The following REG4 variants were observed in gnomAD, a reference collection of about 807,000 sequenced individuals.
REG4 encodes the protein regenerating family member 4, also known as regenerating islet-derived protein 4.
Under a neutral mutation model 22.3 loss-of-function variants are expected in REG4, and 16 were observed. That is an observed-to-expected ratio of 0.72 (90% CI 0.49 to 1.09). The LOEUF (loss-of-function observed/expected upper bound fraction) is 1.09. Ranked by LOEUF, REG4 falls within the 50% of genes least tolerant of loss-of-function variation. The pLI is 0.00. For synonymous variants in REG4, 71 were observed against 69.2 expected (o/e 1.03, Z -0.13); for missense variants, 214 against 193.9 (o/e 1.10, Z -0.61).
At chr1:119,795,476 C>G (rs1216650243) in intron 5 of REG4, among the ~76,000 whole-genome samples, 2 of 152,212 alleles carry the variant, frequency 1.3e-5, no homozygotes, top group Non-Finnish European at 2.9e-5. Flanking sequence ...GCGGAGGTGG[C>G]CTTTTGAAGG....
chr1:119,802,983 TTGA>T, intron 3 of REG4, 82 bp downstream of exon 3: 1 of 1,592,290 alleles, frequency 6.3e-7, no homozygotes. Context: ...GGAAGGACAC[TTGA>T]TCCTGAATCA....
intron 1 of REG4, among the ~76,000 whole-genome samples, chr1:119,809,936 TA>T (rs1175048449): frequency 6.6e-6 from 1 of 152,196 alleles, no homozygotes; most frequent in African/African-American, 2.4e-5. Flanking sequence ...CATCTTTTTA[TA>T]TAATGATTTG....
At chr1:119,801,216 T>C (rs1387180135) in intron 3 of REG4, 2 of 152,224 alleles carry the variant, frequency 1.3e-5, no homozygotes, top group African/African-American at 4.8e-5. Context: ...TCTGGGGTTG[T>C]GTTACATGAC....
At chr1:119,804,240 T>C (rs910348982) in intron 2 of REG4, among the ~76,000 whole-genome samples, 1 of 152,228 alleles carries the variant, frequency 6.6e-6, no homozygotes, top group Non-Finnish European at 1.5e-5. Context: ...CTCATTCAAA[T>C]GATACTACTG....
At position 119,798,534 on chromosome 1, in the gene REG4, AC is replaced by A. The variant is rs1302233395; in HGVS notation, c.371del (p.Gly124ValfsTer9). 1.1e-5 allele frequency: 17 copies of A among 1,614,054 alleles called. No homozygotes were observed. Among genetic ancestry groups the A allele is most frequent in the Non-Finnish European group, 1.4e-5 (16 of 1,180,006 alleles). On this transcript the variant is annotated frameshift_variant, in exon 5 of 6. Coordinates refer to ENST00000256585, the MANE Select transcript of REG4 (RefSeq NM_032044.4). LOFTEE classifies it low-confidence loss of function (END_TRUNC). ...TCATCTCAGCACAGTGCTTGTTCCC[AC>A]CCATGGACTTGCCAGACCAGGATCT... Reference protein sequence around the residue: ...LYRSWSGKSMGGNKHCAEMSS... With the variant: ...LYRSWSGKSMXGNKHCAEMSS...
At chr1:119,808,534 T>G (rs887990497) in intron 2 of REG4, among the ~76,000 whole-genome samples, 169 bp downstream of exon 2, 2 of 152,216 alleles carry the variant, frequency 1.3e-5, no homozygotes, top group Non-Finnish European at 2.9e-5. Context: ...TTTTGTTGGA[T>G]TCTAGAGCCC....
chr1:119,797,612 G>T (rs1227093581), intron 5 of REG4, among the ~76,000 whole-genome samples: 7 of 152,146 alleles, frequency 4.6e-5, no homozygotes, highest in African/African-American at 1.7e-4. Context: ...TAGACCCACT[G>T]GGATATTCTC....
chr1:119,802,537 T>G, intron 3 of REG4: 1 of 1,104,908 alleles, frequency 9.1e-7, no homozygotes. Context: ...TTACTTTGAC[T>G]GTCTATTTGG....
intron 2 of REG4, among the ~76,000 whole-genome samples, chr1:119,807,763 C>T (rs72695200): frequency 0.032 from 4,934 of 152,308 alleles, 112 homozygotes; most frequent in Middle Eastern, 0.044. Flanking sequence ...TGACCAGGAC[C>T]GCAGACTGCA....
intron 5 of REG4, among the ~76,000 whole-genome samples, chr1:119,797,188 GCTAA>G (rs10542681): frequency 0.41 from 61,668 of 151,544 alleles, 13,516 homozygotes; most frequent in East Asian, 0.76. Context: ...TTTGAGCAGT[GCTAA>G]CTGTTTAAAA....
At chr1:119,803,030 C>A in intron 3 of REG4, 38 bp downstream of exon 3, 1 of 1,611,884 alleles carries the variant, frequency 6.2e-7, no homozygotes, top group Non-Finnish European at 8.5e-7. Flanking sequence ...GTCCTTTGCT[C>A]TAGAAAGGCC....
chr1:119,807,433 GT>G (rs1267132002), intron 2 of REG4, among the ~76,000 whole-genome samples: 2 of 152,346 alleles, frequency 1.3e-5, no homozygotes, highest in African/African-American at 4.8e-5. Context: ...AAGCCAGAGA[GT>G]TTAGTGAGAT....
chr1:119,806,827 C>T (rs1224424453), intron 2 of REG4, among the ~76,000 whole-genome samples: 2 of 152,200 alleles, frequency 1.3e-5, no homozygotes, highest in Non-Finnish European at 2.9e-5. Context: ...ACATGTATGA[C>T]CTTAGGAACA....
At chr1:119,796,713 A>T (rs1212454107) in intron 5 of REG4, among the ~76,000 whole-genome samples, 1 of 152,188 alleles carries the variant, frequency 6.6e-6, no homozygotes, top group Non-Finnish European at 1.5e-5. Context: ...GTGTTCTGAC[A>T]GCCACGAGCT....
intron 3 of REG4, 23 bp downstream of exon 3, chr1:119,803,045 C>A (rs1296087942): frequency 3.7e-6 from 6 of 1,610,038 alleles, no homozygotes; most frequent in Middle Eastern, 1.7e-4. Context: ...AAGGCCAGGC[C>A]AAGCAGGCAG....
intron 2 of REG4, among the ~76,000 whole-genome samples, chr1:119,807,376 G>T (rs2101075360): frequency 6.6e-6 from 1 of 152,372 alleles, no homozygotes; most frequent in East Asian, 1.9e-4. Flanking sequence ...GAGAGAAATT[G>T]AAGGACCTGT....
At chr1:119,794,849 G>GT (rs1653888756) in intron 5 of REG4, among the ~76,000 whole-genome samples, 164 bp from the exon 6 acceptor site, 1 of 152,188 alleles carries the variant, frequency 6.6e-6, no homozygotes, top group South Asian at 2.1e-4. Flanking sequence ...TGCTGCGAAG[G>GT]TGTTTTTTAG....
rs1051698192 is a variant in REG4, at chr1:119,811,421, C to G, written c.-107G>C. 1 of 145,228 alleles carries G rather than the reference C, an allele frequency of 6.9e-6. No individual in the cohort carries two copies. The highest frequency in any genetic ancestry group is 2.0e-4 in the East Asian group (1 of 5,122). The allele number at this position is 145,228 out of a possible 1,614,324, so 9.0% of individuals were successfully genotyped here. A position where few individuals can be genotyped will look rare whatever the true frequency, so the allele number is the denominator to read the frequency against. ...CGAGGAGGATTACCTGTTTGGCAAC[C>G]AAGACTCTAAGGGCCCCTGCCTTCT... is the stretch of plus-strand genomic sequence containing the variant. On this transcript the variant is annotated 5_prime_UTR_variant, in exon 1 of 6. Coordinates refer to ENST00000256585, the MANE Select transcript of REG4 (RefSeq NM_032044.4).
Position 119,808,717 on chromosome 1 carries a change from G to A in REG4, c.53C>T (p.Thr18Ile). ...TGGATACTCACCACCCAGGACTCCT[G>A]TTTTGGCCAGGCAGCTCAGCAATAG... ...LLLLLSCLAK[T>I]GVLGDIIMRP... Residue 18 changes from threonine (T) to isoleucine (I), a missense_variant, in exon 2 of 6, where the codon ACA becomes ATA. By Grantham distance (89) the Thr-to-Ile change is moderately conservative. Transcript: ENST00000256585. 1 of 1,613,820 alleles carries A rather than the reference G, an allele frequency of 6.2e-7. No individual in the cohort carries two copies. The highest frequency in any genetic ancestry group is 1.7e-4 in the Middle Eastern group (1 of 6,058).
Sources: gnomAD v4.1 joint callset for allele counts (sites outside exome capture counted in the v4.1 genomes callset) on GRCh38, gnomAD v4.1.1 for gene constraint, MANE v1.5 for transcripts, NCBI Gene and HGNC (gene_info 2026-07-23, HGNC 2026-07-21) for gene names.